The following ANKFN1 variants were observed in gnomAD, a reference collection of about 807,000 sequenced individuals.
The protein encoded by ANKFN1 is ankyrin repeat and fibronectin type-III domain-containing protein 1.
Under a neutral mutation model 108.7 loss-of-function variants are expected in ANKFN1, and 74 were observed. The observed-to-expected ratio is 0.68, with a 90% CI of 0.56 to 0.83. The LOEUF (loss-of-function observed/expected upper bound fraction) is 0.83. Ranked by LOEUF, ANKFN1 falls within the 40% of genes least tolerant of loss-of-function variation. The probability of loss-of-function intolerance (pLI) is 0.00; values close to 1 mark genes in which losing one functional copy is unlikely to be tolerated. For synonymous variants in ANKFN1, 547 were observed against 516.2 expected (o/e 1.06, Z -0.81); for missense variants, 1,505 against 1,382.3 (o/e 1.09, Z -1.41).
intron 4 of ANKFN1, among the ~76,000 whole-genome samples, chr17:56,059,210 T>C (rs184808490): frequency 3.2e-4 from 48 of 152,328 alleles, no homozygotes; most frequent in Admixed American, 2.5e-3. Flanking sequence ...TTTTCATATG[T>C]TTTTTGGCCA....
At chr17:56,056,209 G>A (rs1904874926) in intron 4 of ANKFN1, among the ~76,000 whole-genome samples, 1 of 151,890 alleles carries the variant, frequency 6.6e-6, no homozygotes, top group Non-Finnish European at 1.5e-5. Flanking sequence ...TTCTTTTGCT[G>A]TGCAGACTCT....
chr17:56,097,733 C>T (rs1318469602), intron 4 of ANKFN1, among the ~76,000 whole-genome samples: 2 of 152,212 alleles, frequency 1.3e-5, no homozygotes, highest in Non-Finnish European at 2.9e-5. Flanking sequence ...CTGTCAGCCT[C>T]GTCTTTTCAT....
chr17:56,236,888 G>A (rs1392855303), intron 3 of ANKFN1, among the ~76,000 whole-genome samples: 1 of 152,174 alleles, frequency 6.6e-6, no homozygotes, highest in Non-Finnish European at 1.5e-5. Context: ...TGCCCTTTAA[G>A]TATGATGTTC....
At chr17:56,451,434 A>G (rs892088675) in intron 11 of ANKFN1, among the ~76,000 whole-genome samples, 2 of 152,326 alleles carry the variant, frequency 1.3e-5, no homozygotes, top group African/African-American at 4.8e-5. Context: ...TATTGCTTAC[A>G]GAGAATTACA....
intron 19 of ANKFN1, among the ~76,000 whole-genome samples, chr17:56,493,236 C>CA (rs565725456): frequency 6.6e-5 from 10 of 150,910 alleles, no homozygotes; most frequent in South Asian, 4.2e-4. Flanking sequence ...TGCTAGGTGC[C>CA]AAAAAAAAGA....
chr17:56,449,633 C>A (rs1287079521), intron 11 of ANKFN1, among the ~76,000 whole-genome samples: 1 of 152,132 alleles, frequency 6.6e-6, no homozygotes, highest in African/African-American at 2.4e-5. Flanking sequence ...GTTTACAATG[C>A]AGTTTCACAC....
chr17:56,097,567 G>T (rs1905557940), intron 4 of ANKFN1, among the ~76,000 whole-genome samples: 1 of 152,202 alleles, frequency 6.6e-6, no homozygotes, highest in Middle Eastern at 3.2e-3. Context: ...ATGCATCAGT[G>T]GTCTGTTAGG....
intron 3 of ANKFN1, among the ~76,000 whole-genome samples, chr17:56,260,646 A>C (rs2043487165): frequency 6.6e-6 from 1 of 152,206 alleles, no homozygotes; most frequent in African/African-American, 2.4e-5. Flanking sequence ...GTACTCGGTA[A>C]AGTATGTCTG....
chr17:56,178,058 G>C (rs542070771), intron 1 of ANKFN1, among the ~76,000 whole-genome samples: 1 of 152,082 alleles, frequency 6.6e-6, no homozygotes, highest in African/African-American at 2.4e-5. Context: ...CAGTCTTTTG[G>C]GGGTAGCAGG....
At chr17:56,050,661 A>G (rs1213121773) in intron 4 of ANKFN1, among the ~76,000 whole-genome samples, 1 of 151,468 alleles carries the variant, frequency 6.6e-6, no homozygotes, top group Non-Finnish European at 1.5e-5. Flanking sequence ...TCCTTTCCCC[A>G]TTGCTTGTTT....
At chr17:56,084,380 C>A (rs1905283224) in intron 4 of ANKFN1, among the ~76,000 whole-genome samples, 1 of 151,198 alleles carries the variant, frequency 6.6e-6, no homozygotes, top group Admixed American at 6.6e-5. Context: ...TAGATAAAAA[C>A]CATGAAGGGT....
chr17:56,115,432 C>A (rs982464081), intron 4 of ANKFN1, among the ~76,000 whole-genome samples: 1 of 152,010 alleles, frequency 6.6e-6, no homozygotes, highest in Non-Finnish European at 1.5e-5. Flanking sequence ...CCAGTATATA[C>A]CAATCATATA....
rs553946098 is a variant in ANKFN1, at chr17:56,314,030, A to G, written c.54-12191A>G. ...CATCAGGGGAATGTAATTGTGTAGT[A>G]AGTATTCTATTGTGTCTAGCTTCTT... On this transcript the variant is annotated intron_variant, in intron 3 of 20. Coordinates refer to ENST00000682825, the MANE Select transcript of ANKFN1 (RefSeq NM_001370326.1). Among the ~76,000 whole-genome samples, 4 of 152,330 alleles carry G rather than the reference A, an allele frequency of 2.6e-5. No individual in the cohort carries two copies. In the East Asian group the frequency reaches 7.7e-4, roughly 29 times the overall value.
chr17:56,272,037 A>G (rs2043807496), intron 3 of ANKFN1, among the ~76,000 whole-genome samples: 1 of 152,234 alleles, frequency 6.6e-6, no homozygotes, highest in Non-Finnish European at 1.5e-5. Flanking sequence ...GAGCCCAGAA[A>G]ACATGGTTTT....
chr17:56,282,056 C>T (rs1315821310), intron 3 of ANKFN1, among the ~76,000 whole-genome samples: 2 of 152,130 alleles, frequency 1.3e-5, no homozygotes, highest in Non-Finnish European at 2.9e-5. Context: ...GAGTCTTATT[C>T]ATCATAGCCC....
At chr17:56,383,883 A>G (rs1049301339) in intron 8 of ANKFN1, among the ~76,000 whole-genome samples, 6 of 152,208 alleles carry the variant, frequency 3.9e-5, no homozygotes, top group South Asian at 2.1e-4. Context: ...ATTCACAGCC[A>G]AATTCTACCA....
intron 4 of ANKFN1, among the ~76,000 whole-genome samples, chr17:56,128,182 A>G (rs532298978): frequency 4.0e-5 from 6 of 151,708 alleles, no homozygotes; most frequent in African/African-American, 1.2e-4. Context: ...AGCTAGAAAG[A>G]CTGTAGAGCC....
At chr17:56,322,880 A>G (rs2045409861) in intron 3 of ANKFN1, among the ~76,000 whole-genome samples, 1 of 152,146 alleles carries the variant, frequency 6.6e-6, no homozygotes, top group African/African-American at 2.4e-5. Context: ...TTATCTTTGA[A>G]AAGATGCCCT....
chr17:56,286,661 C>A (rs573338866), intron 3 of ANKFN1, among the ~76,000 whole-genome samples: 1 of 152,032 alleles, frequency 6.6e-6, no homozygotes, highest in Non-Finnish European at 1.5e-5. Flanking sequence ...CTTTATATGA[C>A]GTAGACTCAC....
Sources: allele counts gnomAD v4.1 joint callset (sites outside exome capture counted in the v4.1 genomes callset), GRCh38; gene constraint gnomAD v4.1.1; transcripts MANE v1.5; gene names NCBI Gene and HGNC (gene_info 2026-07-23, HGNC 2026-07-21).